Variants in GJC1 observed in about 807,000 individuals in gnomAD.
GJC1 encodes the protein gap junction gamma-1 protein.
A neutral mutation model predicts 29.3 loss-of-function variants in GJC1; 5 were observed. The ratio of observed to expected loss-of-function variants is 0.17; its 90% confidence interval spans 0.09 to 0.36. The LOEUF is 0.36. Among genes scored for constraint, GJC1 ranks in the 10% least tolerant of loss-of-function variants. GJC1 has a pLI of 1.00. For missense variants in GJC1, 310 were observed against 496.2 expected (o/e 0.62, Z 3.56); for synonymous variants, 177 against 183.3 (o/e 0.97, Z 0.28).
chr17:44,826,395 T>C (rs2050177388), intron 1 of GJC1, among the ~76,000 whole-genome samples: 1 of 151,800 alleles, frequency 6.6e-6, no homozygotes, highest in African/African-American at 2.4e-5. Context: ...CCGGGCATGG[T>C]GGTGGACGCC....
chr17:44,810,333 A>C (rs2049963691), intron 1 of GJC1, among the ~76,000 whole-genome samples: 1 of 152,196 alleles, frequency 6.6e-6, no homozygotes, highest in African/African-American at 2.4e-5. Context: ...GTTATGAAAG[A>C]ATTTCTCAAC....
At chr17:44,806,044 C>A (rs1007928412) in intron 2 of GJC1, among the ~76,000 whole-genome samples, 3 of 152,036 alleles carry the variant, frequency 2.0e-5, no homozygotes, top group Non-Finnish European at 4.4e-5. Flanking sequence ...GAGGCCAAGG[C>A]GGGCAGATTA....
At chr17:44,831,118 G>A (rs1442061788), upstream of GJC1, among the ~76,000 whole-genome samples, 2 of 152,154 alleles carry the variant, frequency 1.3e-5, no homozygotes, top group African/African-American at 2.4e-5. Context: ...TTTGACCAGA[G>A]GGGAAATTAA....
chr17:44,806,484 C>G (rs1173441149), intron 2 of GJC1, among the ~76,000 whole-genome samples: 2 of 150,138 alleles, frequency 1.3e-5, no homozygotes, highest in Non-Finnish European at 2.9e-5. Flanking sequence ...ACTGCAACCT[C>G]CGCCTCCCAG....
At chr17:44,797,872 G>C (rs1310324089), downstream of GJC1, 1 of 152,194 alleles carries the variant, frequency 6.6e-6, no homozygotes, top group Non-Finnish European at 1.5e-5. Context: ...TGGCTGACCA[G>C]TTTACAATCT....
Position 44,804,980 on chromosome 17 carries a change from T to C in GJC1, c.838A>G (p.Thr280Ala), listed in dbSNP as rs757874259. Residue 280 changes from threonine to alanine, a missense_variant, in exon 3 of 3, where the codon ACT becomes GCT. Coordinates refer to ENST00000592524, the MANE Select transcript of GJC1 (RefSeq NM_005497.4). ...EDPGAYNYPF[T>A]WNTPSAPPGY... The stretch of plus-strand genomic sequence containing the variant: ...GGGGGAGCAGATGGTGTATTCCAAG[T>C]GAAAGGATAATTATAAGCACCCGGA... 6.2e-7 allele frequency: 1 copy of C among 1,613,998 alleles called. No homozygotes were observed. The highest frequency in any genetic ancestry group is 2.2e-5 in the East Asian group (1 of 44,878).
intron 1 of GJC1, chr17:44,829,663 G>C (rs1462554609): frequency 6.6e-6 from 1 of 152,012 alleles, no homozygotes; most frequent in Non-Finnish European, 1.5e-5. Flanking sequence ...GCCCGGCTCC[G>C]CCCTGCGCCC....
rs1378161970 is a variant in GJC1, at chr17:44,799,980, A to G, written c.*4647T>C. The G allele has an allele frequency of 6.6e-6, 1 of 152,230 alleles. No individual in the cohort carries two copies. The highest frequency in any genetic ancestry group is 1.5e-5 in the Non-Finnish European group (1 of 68,042). 9.4% of individuals were successfully genotyped at this position (152,230 alleles called of 1,614,324 possible). On this transcript the variant is annotated 3_prime_UTR_variant, in exon 3 of 3. Transcript: ENST00000592524. ...GCAAATACAAATCTTTAAACACTTC[A>G]TGATGTGGCCGGAATGAGTACAAGT...
chr17:44,803,495 C>A lies in GJC1; in HGVS notation c.*1132G>T, dbSNP rs1343537518. 6.6e-6 allele frequency: 1 copy of A among 152,186 alleles called. No individual in the cohort carries two copies. The highest frequency in any genetic ancestry group is 1.5e-5 in the Non-Finnish European group (1 of 68,032). 9.4% of individuals were successfully genotyped at this position (152,186 alleles called of 1,614,324 possible). A position where few individuals can be genotyped will look rare whatever the true frequency, so the allele number is the denominator to read the frequency against. On this transcript the variant is annotated 3_prime_UTR_variant, in exon 3 of 3. Coordinates refer to ENST00000592524, the MANE Select transcript of GJC1 (RefSeq NM_005497.4). Reference sequence around the variant, plus strand: ...CCATGACCTTTCAGGCATAAACCTCCACTGGCAGAAGTAAGAATTTAATCA... The same window carrying A: ...CCATGACCTTTCAGGCATAAACCTCAACTGGCAGAAGTAAGAATTTAATCA...
chr17:44,824,156 C>T (rs920210773), intron 1 of GJC1, among the ~76,000 whole-genome samples: 15 of 151,552 alleles, frequency 9.9e-5, no homozygotes, highest in Middle Eastern at 3.4e-3. Flanking sequence ...TACAGGCGCG[C>T]GCCACCATGC....
At chr17:44,824,933 G>A (rs1467171963) in intron 1 of GJC1, among the ~76,000 whole-genome samples, 2 of 142,784 alleles carry the variant, frequency 1.4e-5, no homozygotes, top group South Asian at 2.2e-4. Flanking sequence ...AAAAAAAAAC[G>A]TTGGGATCCA....
downstream of GJC1, among the ~76,000 whole-genome samples, chr17:44,796,247 C>A (rs997335440): frequency 6.6e-5 from 10 of 152,226 alleles, no homozygotes; most frequent in Non-Finnish European, 1.3e-4. Context: ...CCCTTCCCCC[C>A]TTCCATATCA....
chr17:44,829,813 G>T (rs1172422343), intron 1 of GJC1: 3 of 152,014 alleles, frequency 2.0e-5, no homozygotes, highest in African/African-American at 7.2e-5. Flanking sequence ...TGGGAGCCGC[G>T]CGCCTGGGGA....
In GJC1 at chr17:44,804,618, C is replaced by A. The variant is rs2049890131; in HGVS notation, c.*9G>T. 6.3e-7 allele frequency: 1 copy of A among 1,591,476 alleles called. No individual in the cohort carries two copies. The highest frequency in any genetic ancestry group is 1.1e-5 in the South Asian group (1 of 88,650). On this transcript the variant is annotated 3_prime_UTR_variant, in exon 3 of 3. Coordinates refer to ENST00000592524, the MANE Select transcript of GJC1 (RefSeq NM_005497.4). ...ACTATGAAAAGCACAGGTTTTAAGC[C>A]CGCCAGGATTAAATCCAGACGGAGG...
At chr17:44,810,242 C>T (rs1384977506) in intron 1 of GJC1, among the ~76,000 whole-genome samples, 1 of 152,210 alleles carries the variant, frequency 6.6e-6, no homozygotes, top group Non-Finnish European at 1.5e-5. Flanking sequence ...GGTAATCCGC[C>T]TGCCTCAGCC....
At chr17:44,815,059 T>G (rs1253685124) in intron 1 of GJC1, among the ~76,000 whole-genome samples, 1 of 152,168 alleles carries the variant, frequency 6.6e-6, no homozygotes, top group African/African-American at 2.4e-5. Flanking sequence ...ATGGCTCTCA[T>G]GAATAAAAAA....
intron 1 of GJC1, among the ~76,000 whole-genome samples, chr17:44,811,830 C>T (rs1263219335): frequency 1.3e-5 from 2 of 151,662 alleles, no homozygotes; most frequent in Non-Finnish European, 2.9e-5. Flanking sequence ...ATGGTGAAAC[C>T]CCGTCTCTAC....
At chr17:44,808,575 C>A (rs547345520) in intron 1 of GJC1, among the ~76,000 whole-genome samples, 6 of 151,428 alleles carry the variant, frequency 4.0e-5, no homozygotes, top group African/African-American at 1.5e-4. Flanking sequence ...ACATGTGAAA[C>A]CTAGTCTTCA....
At chr17:44,818,369 T>C (rs1405815213) in intron 1 of GJC1, among the ~76,000 whole-genome samples, 1 of 152,126 alleles carries the variant, frequency 6.6e-6, no homozygotes, top group East Asian at 1.9e-4. Flanking sequence ...GAATAAACGG[T>C]ATCTTTGACA....
Sources: allele counts gnomAD v4.1 joint callset (sites outside exome capture counted in the v4.1 genomes callset), GRCh38; gene constraint gnomAD v4.1.1; transcripts MANE v1.5; gene names NCBI Gene and HGNC (gene_info 2026-07-23, HGNC 2026-07-21).